Variants in ARHGEF4 observed in about 807,000 individuals in gnomAD.
The protein encoded by ARHGEF4 is APC-stimulated guanine nucleotide exchange factor 1.
ARHGEF4 carries 119 observed loss-of-function variants against 162.0 expected under a neutral mutation model. The observed-to-expected ratio is 0.73, with a 90% CI of 0.63 to 0.86. The LOEUF (loss-of-function observed/expected upper bound fraction) is 0.86, where lower values mean the gene tolerates loss of function less well. ARHGEF4 is among the 40% of genes least tolerant of loss of function. The probability of loss-of-function intolerance (pLI) is 0.00; values close to 1 mark genes in which losing one functional copy is unlikely to be tolerated. For synonymous variants in ARHGEF4, 1,014 were observed against 979.9 expected, an observed-to-expected ratio of 1.03 and a Z score of -0.65; for missense variants, 2,488 against 2,456.0, an observed-to-expected ratio of 1.01 and a Z score of -0.28.
Position 130,914,014 on chromosome 2 carries a change from G to A in ARHGEF4, c.68G>A (p.Gly23Asp). ...CCAGAGCCAGGTGCACACCTGCCAG[G>A]TGAAGGTGAGATTGAAGATAACCAG... ...KTPEPGAHLP[G>D]EGEIEDNQLP... The change falls in exon 2 of 14, where the codon GGT becomes GAT. Residue 23 changes from glycine to aspartate, a missense_variant. Around this residue, in one of 6 missense-constraint regions of ARHGEF4, gnomAD observed 171 missense variants for 169.4 expected, o/e 1.01. Coordinates refer to ENST00000409359, the MANE Select transcript of ARHGEF4 (RefSeq NM_001367493.1). The A allele has an allele frequency of 2.6e-6, 4 of 1,536,064 alleles. No individual in the cohort carries two copies. Among genetic ancestry groups the A allele is most frequent in the Non-Finnish European group, 3.5e-6 (4 of 1,146,866 alleles).
At chr2:130,982,739 A>C (rs1020686431) in intron 4 of ARHGEF4, among the ~76,000 whole-genome samples, 2 of 152,058 alleles carry the variant, frequency 1.3e-5, no homozygotes, top group African/African-American at 2.4e-5. Context: ...CATATATATA[A>C]CTTTTTTCAC....
chr2:130,917,568 A>G (rs1559039255), intron 2 of ARHGEF4, 70 bp downstream of exon 2: 2 of 1,471,216 alleles, frequency 1.4e-6, no homozygotes, highest in Non-Finnish European at 1.8e-6. Flanking sequence ...GCAGGCGGGA[A>G]TCTTCCTGAG....
chr2:130,934,035 A>G (rs528685916), intron 3 of ARHGEF4, among the ~76,000 whole-genome samples: 2 of 152,270 alleles, frequency 1.3e-5, no homozygotes, highest in South Asian at 4.1e-4. Context: ...GTCTTTCACT[A>G]TTGTGTATGA....
At chr2:130,938,538 C>A (rs1334562373) in intron 3 of ARHGEF4, among the ~76,000 whole-genome samples, 2 of 152,148 alleles carry the variant, frequency 1.3e-5, no homozygotes. Flanking sequence ...TCTCTCCCCT[C>A]AAACAATTGA....
chr2:130,847,074 C>T (rs1195359430), intron 1 of ARHGEF4, among the ~76,000 whole-genome samples: 5 of 152,098 alleles, frequency 3.3e-5, no homozygotes, highest in Non-Finnish European at 7.4e-5. Flanking sequence ...GGCTAAGAGC[C>T]CTGTGTGGAT....
chr2:130,845,435 A>C (rs1048684367), intron 1 of ARHGEF4, among the ~76,000 whole-genome samples: 1 of 151,890 alleles, frequency 6.6e-6, no homozygotes, highest in African/African-American at 2.4e-5. Flanking sequence ...ATGGGAGCCC[A>C]GTACAGGCAC....
At chr2:130,837,710 G>C (rs1484425684) in intron 1 of ARHGEF4, 1 of 417,214 alleles carries the variant, frequency 2.4e-6, no homozygotes, top group Non-Finnish European at 4.8e-6. Flanking sequence ...AGGTGAGCCA[G>C]CGGGAGGGCG....
chr2:130,969,744 T>C (rs1233294163), intron 4 of ARHGEF4, among the ~76,000 whole-genome samples: 1 of 152,148 alleles, frequency 6.6e-6, no homozygotes, highest in African/African-American at 2.4e-5. Context: ...CCCACCATAA[T>C]AAAAATATAG....
chr2:131,040,015 G>A lies in ARHGEF4; in HGVS notation c.4306-1G>A. The A allele has an allele frequency of 6.4e-7, 1 of 1,556,326 alleles. No individual in the cohort carries two copies. Among genetic ancestry groups the A allele is most frequent in the Non-Finnish European group, 8.7e-7 (1 of 1,151,150 alleles). Reference sequence around the variant, plus strand: ...ACTGACCGGCCACGCATGGCCTGCAGCTGAGGGTGAATCAGGACGAGCCCG... The same window carrying A: ...ACTGACCGGCCACGCATGGCCTGCAACTGAGGGTGAATCAGGACGAGCCCG... On this transcript the variant is annotated splice_acceptor_variant, in intron 6 of 13. Coordinates refer to ENST00000409359, the MANE Select transcript of ARHGEF4 (RefSeq NM_001367493.1). LOFTEE classifies it high-confidence loss of function.
Position 131,043,545 on chromosome 2 carries a change from TTCTTTC to T in ARHGEF4, c.5125_5130del (p.Leu1709_Phe1710del). On this transcript the variant is annotated inframe_deletion, in exon 11 of 14. Transcript: ENST00000409359. ...TCAAGCCAAAAGCCAGCAGCGAATG[TTCTTTC>T]TCTTTGACCACCAGCTCATCTACTG... The T allele has an allele frequency of 6.2e-7, 1 of 1,614,070 alleles. No homozygotes were observed. The highest frequency in any genetic ancestry group is 8.5e-7 in the Non-Finnish European group (1 of 1,180,012).
chr2:130,998,254 A>G (rs1687531114), intron 4 of ARHGEF4, among the ~76,000 whole-genome samples: 1 of 152,196 alleles, frequency 6.6e-6, no homozygotes, highest in African/African-American at 2.4e-5. Context: ...AAGCAGTTTT[A>G]GGTTTATAGA....
intron 4 of ARHGEF4, among the ~76,000 whole-genome samples, chr2:130,951,795 G>T (rs1683976120): frequency 6.6e-6 from 1 of 152,034 alleles, no homozygotes; most frequent in African/African-American, 2.4e-5. Flanking sequence ...GTAATATATA[G>T]AACTATTACT....
chr2:131,004,039 G>C (rs1200703312), intron 4 of ARHGEF4, among the ~76,000 whole-genome samples: 2 of 152,160 alleles, frequency 1.3e-5, no homozygotes, highest in African/African-American at 4.8e-5. Flanking sequence ...TAGAGCCCCT[G>C]CACACCCTGG....
At chr2:130,960,963 A>G (rs1206428714) in intron 4 of ARHGEF4, among the ~76,000 whole-genome samples, 3 of 152,216 alleles carry the variant, frequency 2.0e-5, no homozygotes, top group African/African-American at 7.2e-5. Context: ...ACTCAGTAAA[A>G]GCATGGGGCT....
At chr2:130,843,329 C>T (rs567162315) in intron 1 of ARHGEF4, among the ~76,000 whole-genome samples, 1 of 152,310 alleles carries the variant, frequency 6.6e-6, no homozygotes, top group South Asian at 2.1e-4. Context: ...GGGTGAAGGT[C>T]GCAGCAGGAA....
At chr2:131,003,988 G>C (rs1184078041) in intron 4 of ARHGEF4, among the ~76,000 whole-genome samples, 2 of 152,138 alleles carry the variant, frequency 1.3e-5, no homozygotes, top group Non-Finnish European at 2.9e-5. Context: ...GAGCATCTTT[G>C]GTTGGGAGAG....
chr2:131,032,848 C>CTTT lies in ARHGEF4; in HGVS notation c.4125+4784_4125+4786dup, dbSNP rs111971610. 7.0e-3 allele frequency among the ~76,000 whole-genome samples: 900 copies of CTTT among 128,442 alleles called. 25 individuals carry two copies. Among genetic ancestry groups the CTTT allele is most frequent in the African/African-American group, 0.028 (822 of 29,606 alleles). 84.3% of individuals were successfully genotyped at this position (128,442 alleles called of 152,430 possible). On this transcript the variant is annotated intron_variant, in intron 5 of 13. Transcript: ENST00000409359. ...TTTCTTTTCTTTTCTTTTCTTTTTT[C>CTTT]TTTTTTTTTTTTTTTTTTTTTTGAG...
At chr2:130,866,549 G>A (rs61319315) in intron 1 of ARHGEF4, among the ~76,000 whole-genome samples, 5,328 of 152,116 alleles carry the variant, frequency 0.035, 173 homozygotes, top group East Asian at 0.1. Flanking sequence ...AGGTAAGGAC[G>A]TCTCTCCTTG....
At chr2:130,998,094 C>G (rs2105302317) in intron 4 of ARHGEF4, among the ~76,000 whole-genome samples, 1 of 152,336 alleles carries the variant, frequency 6.6e-6, no homozygotes. Context: ...TTCCCACTAA[C>G]TCATAAGCTC....
Sources: gnomAD v4.1 joint callset for allele counts (sites outside exome capture counted in the v4.1 genomes callset) on GRCh38, gnomAD v4.1.1 for gene constraint, gnomAD v4.1.1 regional missense constraint, MANE v1.5 for transcripts, NCBI Gene and HGNC (gene_info 2026-07-23, HGNC 2026-07-21) for gene names.